SNX3: variants seen among roughly 807,000 people sequenced by gnomAD.
The protein encoded by SNX3 is sorting nexin 3, also known as sorting nexin-3.
In SNX3, 5 loss-of-function variants were observed where a neutral mutation model predicts 17.7. The observed-to-expected ratio is 0.28, with a 90% CI of 0.15 to 0.59. SNX3 has a LOEUF of 0.59. Ranked by LOEUF, SNX3 falls within the 20% of genes least tolerant of loss-of-function variation. The probability of loss-of-function intolerance (pLI) is 0.88; values close to 1 mark genes in which losing one functional copy is unlikely to be tolerated. For missense variants in SNX3, 132 were observed against 206.8 expected, an observed-to-expected ratio of 0.64 and a Z score of 2.22; for synonymous variants, 91 against 76.5, an observed-to-expected ratio of 1.19 and a Z score of -0.99.
At chr6:108,241,112 C>T (rs548817885) in intron 1 of SNX3, among the ~76,000 whole-genome samples, 7 of 127,874 alleles carry the variant, frequency 5.5e-5, no homozygotes, top group Non-Finnish European at 7.8e-5. Context: ...CCACTGCACT[C>T]GAGCCTGAGC....
At chr6:108,241,143 CAAAAAAAAAAAA>C (rs71274311) in intron 1 of SNX3, among the ~76,000 whole-genome samples, 11 of 51,186 alleles carry the variant, frequency 2.1e-4, no homozygotes, top group Non-Finnish European at 4.2e-4. Flanking sequence ...GACTCCGTCT[CAAAAAAAAAAAA>C]AAAAAAAAAA....
chr6:108,215,120 C>T (rs1352668303), intron 2 of SNX3, among the ~76,000 whole-genome samples: 3 of 152,074 alleles, frequency 2.0e-5, no homozygotes, highest in Admixed American at 2.0e-4. Flanking sequence ...GAGGCCGAGG[C>T]GGGCAGATCA....
At position 108,218,439 on chromosome 6, in the gene SNX3, T is replaced by G. The variant is rs552255124; in HGVS notation, c.259-3817A>C. 1.8e-4 allele frequency among the ~76,000 whole-genome samples: 28 copies of G among 152,282 alleles called. No homozygotes were observed. In the South Asian group the frequency reaches 4.1e-3, roughly 23 times the overall value. ...CACATTGCTGGTAAGAATGTAAAAT[T>G]ACACAGCTGCTTTGGAAAAACGGTC... On this transcript the variant is annotated intron_variant, in intron 2 of 3. Coordinates refer to ENST00000230085, the MANE Select transcript of SNX3 (RefSeq NM_003795.6).
chr6:108,212,197 A>G lies in SNX3; in HGVS notation c.441T>C (p.Asp147=). 1.2e-6 allele frequency: 2 copies of G among 1,611,076 alleles called. No individual in the cohort carries two copies. Among genetic ancestry groups the G allele is most frequent in the Non-Finnish European group, 8.5e-7 (1 of 1,179,058 alleles). ...GAGTATAGCTTTTATCTATTATTTC[A>G]TCTTGTAAAAACATGTGAAGACAAC... ...NERCLHMFLQ[D]EIIDKSYTPS... Residue 147 remains aspartate, a synonymous_variant, in exon 4 of 4, where the codon GAT becomes GAC. Transcript: ENST00000230085.
In SNX3 at chr6:108,260,997, C is replaced by G; in HGVS notation, c.-76G>C. ...TCAGCCGCCGCCGCCGCCGCTGCTGCCCGCCGTGGGGACACGGGGCTCGCG... is the reference window on the plus strand; with the variant it reads ...TCAGCCGCCGCCGCCGCCGCTGCTGGCCGCCGTGGGGACACGGGGCTCGCG... On this transcript the variant is annotated 5_prime_UTR_variant, in exon 1 of 4. Coordinates refer to ENST00000230085, the MANE Select transcript of SNX3 (RefSeq NM_003795.6). The G allele has an allele frequency of 7.4e-7, 1 of 1,353,606 alleles. No individual in the cohort carries two copies. Among genetic ancestry groups the G allele is most frequent in the East Asian group, 3.0e-5 (1 of 33,212 alleles). The allele number at this position is 1,353,606 out of a possible 1,614,324, so 83.8% of individuals were successfully genotyped here.
At chr6:108,225,296 A>G (rs1001095123) in intron 1 of SNX3, among the ~76,000 whole-genome samples, 5 of 151,026 alleles carry the variant, frequency 3.3e-5, no homozygotes, top group African/African-American at 4.9e-5. Context: ...AACAAAAACA[A>G]CAACAAGAAA....
chr6:108,241,288 C>T (rs769167754), intron 1 of SNX3, among the ~76,000 whole-genome samples: 25 of 151,808 alleles, frequency 1.6e-4, no homozygotes, highest in Middle Eastern at 6.9e-3. Flanking sequence ...CATGAGAAGA[C>T]GGCACGAAGT....
intron 1 of SNX3, among the ~76,000 whole-genome samples, chr6:108,238,101 C>CAAAAAAAAAAAAAAAA (rs11287104): frequency 5.9e-5 from 5 of 85,428 alleles, no homozygotes; most frequent in East Asian, 3.4e-4. Flanking sequence ...GATCCTGTCT[C>CAAAAAAAAAAAAAAAA]AAAAAAAAAA....
At chr6:108,216,984 T>C (rs1218225869) in intron 2 of SNX3, among the ~76,000 whole-genome samples, 1 of 152,158 alleles carries the variant, frequency 6.6e-6, no homozygotes, top group Non-Finnish European at 1.5e-5. Flanking sequence ...GGACCTTCTA[T>C]AACTGAGAAA....
rs1250675877 is a variant in SNX3 at position 108,211,619 on chromosome 6, T to C, written c.*530A>G. The C allele has an allele frequency of 3.9e-5, 6 of 152,690 alleles. No homozygotes were observed. The highest frequency in any genetic ancestry group is 7.2e-5 in the African/African-American group (3 of 41,458). 9.5% of individuals were successfully genotyped at this position (152,690 alleles called of 1,614,324 possible). A position where few individuals can be genotyped will look rare whatever the true frequency, so the allele number is the denominator to read the frequency against. On this transcript the variant is annotated 3_prime_UTR_variant, in exon 4 of 4. Coordinates refer to ENST00000230085, the MANE Select transcript of SNX3 (RefSeq NM_003795.6). The stretch of plus-strand genomic sequence containing the variant: ...TTTGTTTTTATACAGAATATAAAGA[T>C]TTCCCTCATTAATCTTCCATGTGAA...
At chr6:108,251,560 T>C (rs1248718544) in intron 1 of SNX3, among the ~76,000 whole-genome samples, 5 of 152,196 alleles carry the variant, frequency 3.3e-5, no homozygotes, top group Admixed American at 6.5e-5. Flanking sequence ...GTGAATATGA[T>C]GTTAGAAGCT....
intron 1 of SNX3, among the ~76,000 whole-genome samples, chr6:108,252,820 T>C (rs1245074737): frequency 2.0e-5 from 3 of 152,022 alleles, no homozygotes; most frequent in Non-Finnish European, 2.9e-5. Flanking sequence ...TGTATTTTAG[T>C]AGATATGGGG....
At chr6:108,237,732 T>C (rs1046691448) in intron 1 of SNX3, among the ~76,000 whole-genome samples, 5 of 150,850 alleles carry the variant, frequency 3.3e-5, no homozygotes, top group African/African-American at 7.3e-5. Context: ...GAGATTGCAG[T>C]GAGCTGAGAT....
At chr6:108,241,609 C>T (rs1681188759) in intron 1 of SNX3, among the ~76,000 whole-genome samples, 1 of 151,406 alleles carries the variant, frequency 6.6e-6, no homozygotes, top group Non-Finnish European at 1.5e-5. Flanking sequence ...CTTAGAAAAC[C>T]TGGCTTAAAA....
At chr6:108,238,867 G>A (rs1317232623) in intron 1 of SNX3, among the ~76,000 whole-genome samples, 1 of 151,656 alleles carries the variant, frequency 6.6e-6, no homozygotes, top group East Asian at 1.9e-4. Context: ...TTGTACCAAT[G>A]ATAGGAGCTA....
intron 1 of SNX3, among the ~76,000 whole-genome samples, chr6:108,239,664 C>T (rs1173671537): frequency 6.6e-6 from 1 of 152,154 alleles, no homozygotes; most frequent in African/African-American, 2.4e-5. Flanking sequence ...GTAACTTGTT[C>T]AAGGTCACAT....
At chr6:108,220,419 T>C (rs906899095) in intron 2 of SNX3, among the ~76,000 whole-genome samples, 1 of 152,172 alleles carries the variant, frequency 6.6e-6, no homozygotes, top group Non-Finnish European at 1.5e-5. Flanking sequence ...TTTATATGTT[T>C]AGATGCACAA....
intron 1 of SNX3, among the ~76,000 whole-genome samples, chr6:108,226,771 C>T (rs558788214): frequency 1.6e-4 from 24 of 152,266 alleles, no homozygotes; most frequent in African/African-American, 5.5e-4. Context: ...TCAATTTTTT[C>T]CTAAGTGTAT....
chr6:108,260,936 T>C lies in SNX3; in HGVS notation c.-15A>G, dbSNP rs751463571. 8 of 1,554,612 alleles carry C rather than the reference T, an allele frequency of 5.1e-6. No homozygotes were observed. Among genetic ancestry groups the C allele is most frequent in the Admixed American group, 1.9e-5 (1 of 53,438 alleles). ...GTCTCCGCCATTTCGCTGTAGCTGC[T>C]GCCGCCGCCGCGGGCTCCCTCCGCC... On this transcript the variant is annotated 5_prime_UTR_variant, in exon 1 of 4. Coordinates refer to ENST00000230085, the MANE Select transcript of SNX3 (RefSeq NM_003795.6).
Sources: allele counts gnomAD v4.1 joint callset (sites outside exome capture counted in the v4.1 genomes callset), GRCh38; gene constraint gnomAD v4.1.1; transcripts MANE v1.5; gene names NCBI Gene and HGNC (gene_info 2026-07-23, HGNC 2026-07-21).